The following NKAIN2 variants were observed in gnomAD, a reference collection of about 807,000 sequenced individuals.
The protein encoded by NKAIN2 is sodium/potassium transporting ATPase interacting 2.
A neutral mutation model predicts 32.6 loss-of-function variants in NKAIN2; 14 were observed. The observed-to-expected ratio is 0.43, with a 90% CI of 0.28 to 0.67. The LOEUF (loss-of-function observed/expected upper bound fraction) is 0.67, where lower values mean the gene tolerates loss of function less well. Ranked by LOEUF, NKAIN2 falls within the 30% of genes least tolerant of loss-of-function variation. The pLI is 0.17. For synonymous variants in NKAIN2, 80 were observed against 87.2 expected, an observed-to-expected ratio of 0.92 and a Z score of 0.46; for missense variants, 198 against 258.3, an observed-to-expected ratio of 0.77 and a Z score of 1.60.
At chr6:124,618,813 A>G (rs1387811084) in intron 3 of NKAIN2, among the ~76,000 whole-genome samples, 1 of 152,216 alleles carries the variant, frequency 6.6e-6, no homozygotes, top group African/African-American at 2.4e-5. Context: ...TGGCATGTCA[A>G]GAAGGTATCT....
At position 124,358,489 on chromosome 6, in the gene NKAIN2, C is replaced by G. The variant is rs575170787; in HGVS notation, c.273+3142C>G. On this transcript the variant is annotated intron_variant, in intron 3 of 6. Coordinates refer to ENST00000368417, the MANE Select transcript of NKAIN2 (RefSeq NM_001040214.3). ...CATTCTAACTGGTGTGAGATGGTAT[C>G]TCATTGTGGTTTTGATTTGCATTTC... 1.5e-3 allele frequency among the ~76,000 whole-genome samples: 233 copies of G among 152,250 alleles called. 2 individuals are homozygous for G. The highest frequency in any genetic ancestry group is 0.012 in the Admixed American group (182 of 15,278).
chr6:123,940,223 A>G (rs1422357151), intron 1 of NKAIN2, among the ~76,000 whole-genome samples: 7 of 151,962 alleles, frequency 4.6e-5, no homozygotes, highest in African/African-American at 1.4e-4. Flanking sequence ...TCATACAAAA[A>G]CACTTAAAGC....
chr6:123,832,445 G>A (rs1047708579), intron 1 of NKAIN2, among the ~76,000 whole-genome samples: 2 of 152,202 alleles, frequency 1.3e-5, no homozygotes, highest in African/African-American at 4.8e-5. Flanking sequence ...CCATGAGCAG[G>A]TTTTTATGTG....
chr6:124,047,760 C>T (rs1048493293), intron 1 of NKAIN2, among the ~76,000 whole-genome samples: 2 of 152,008 alleles, frequency 1.3e-5, no homozygotes, highest in African/African-American at 4.8e-5. Context: ...CTGGATTTAA[C>T]AGTGATGAAG....
intron 1 of NKAIN2, among the ~76,000 whole-genome samples, chr6:124,099,110 A>G (rs112971032): frequency 0.018 from 2,672 of 152,284 alleles, 78 homozygotes; most frequent in African/African-American, 0.061. Flanking sequence ...AGCTAGAGGC[A>G]TAAATATGCT....
At chr6:124,388,998 C>T (rs1420072853) in intron 3 of NKAIN2, among the ~76,000 whole-genome samples, 1 of 152,002 alleles carries the variant, frequency 6.6e-6, no homozygotes, top group Non-Finnish European at 1.5e-5. Context: ...AATGATAGTG[C>T]TGTTGGCTAT....
chr6:124,062,194 T>C (rs1175021695), intron 1 of NKAIN2, among the ~76,000 whole-genome samples: 2 of 152,208 alleles, frequency 1.3e-5, no homozygotes, highest in Non-Finnish European at 2.9e-5. Flanking sequence ...CTACATTGTT[T>C]TGTATATTTA....
Position 124,182,735 on chromosome 6 carries a change from G to T in NKAIN2, c.55-100270G>T, listed in dbSNP as rs145202803. Reference sequence around the variant, plus strand: ...TACACCTGATTGAGAAAATAATTAAGGTGTCAGATGGTAAGTGTATTTTAT... The same window carrying T: ...TACACCTGATTGAGAAAATAATTAATGTGTCAGATGGTAAGTGTATTTTAT... On this transcript the variant is annotated intron_variant, in intron 1 of 6. Transcript: ENST00000368417. Among the ~76,000 whole-genome samples, 171 of 152,164 alleles carry T rather than the reference G, an allele frequency of 1.1e-3. 6 individuals carry two copies. The East Asian group carries it at 0.027, about 24-fold the overall frequency.
At chr6:124,489,669 A>G (rs552766265) in intron 3 of NKAIN2, among the ~76,000 whole-genome samples, 28 of 151,944 alleles carry the variant, frequency 1.8e-4, no homozygotes, top group African/African-American at 6.7e-4. Flanking sequence ...TTGTATGGGT[A>G]CTCAAAGTAC....
intron 2 of NKAIN2, among the ~76,000 whole-genome samples, chr6:124,304,651 C>T (rs927594634): frequency 6.6e-6 from 1 of 151,732 alleles, no homozygotes; most frequent in Non-Finnish European, 1.5e-5. Context: ...CGTGGTGGCT[C>T]ATGCCTGTAA....
intron 4 of NKAIN2, among the ~76,000 whole-genome samples, chr6:124,748,679 G>A (rs149536762): frequency 2.5e-3 from 387 of 151,990 alleles, no homozygotes; most frequent in Non-Finnish European, 4.2e-3. Flanking sequence ...CTATCGTCTT[G>A]TTTTCTGCTA....
chr6:124,592,401 G>T (rs1405786876), intron 3 of NKAIN2, among the ~76,000 whole-genome samples: 1 of 152,134 alleles, frequency 6.6e-6, no homozygotes, highest in Non-Finnish European at 1.5e-5. Context: ...GGAAATGAAA[G>T]AATTGAGGAA....
chr6:124,801,791 C>T (rs895240429), intron 5 of NKAIN2, among the ~76,000 whole-genome samples: 6 of 152,166 alleles, frequency 3.9e-5, no homozygotes, highest in East Asian at 3.9e-4. Context: ...AATTCTTCCC[C>T]GAAGACATGA....
chr6:124,694,351 A>T (rs1774393975), intron 4 of NKAIN2, among the ~76,000 whole-genome samples: 1 of 152,186 alleles, frequency 6.6e-6, no homozygotes, highest in Admixed American at 6.5e-5. Flanking sequence ...TCCTCTGTTC[A>T]TTAAATCCAC....
chr6:124,410,063 G>A (rs1774085067), intron 3 of NKAIN2, among the ~76,000 whole-genome samples: 1 of 151,996 alleles, frequency 6.6e-6, no homozygotes, highest in Non-Finnish European at 1.5e-5. Context: ...TTTTTATTGT[G>A]TCTATCTGAT....
intron 1 of NKAIN2, among the ~76,000 whole-genome samples, chr6:124,008,733 G>A (rs1022106): frequency 2.6e-5 from 4 of 151,878 alleles, no homozygotes; most frequent in Non-Finnish European, 5.9e-5. Context: ...GTTTGTCATC[G>A]TGATAAGTGA....
intron 2 of NKAIN2, among the ~76,000 whole-genome samples, chr6:124,340,866 T>C (rs1446712036): frequency 6.6e-6 from 1 of 152,166 alleles, no homozygotes; most frequent in Non-Finnish European, 1.5e-5. Flanking sequence ...ATGAAATGTT[T>C]TGCACCAGTA....
At chr6:124,673,630 G>A (rs1773211647) in intron 4 of NKAIN2, among the ~76,000 whole-genome samples, 1 of 151,924 alleles carries the variant, frequency 6.6e-6, no homozygotes, top group African/African-American at 2.4e-5. Context: ...GTATTTCCCG[G>A]ATGATTAGTG....
At chr6:123,989,100 G>A (rs189071807) in intron 1 of NKAIN2, among the ~76,000 whole-genome samples, 9 of 152,216 alleles carry the variant, frequency 5.9e-5, no homozygotes, top group Admixed American at 3.3e-4. Context: ...AAACTGGAGC[G>A]TGAATATCCC....
Sources: gnomAD v4.1 joint callset for allele counts (sites outside exome capture counted in the v4.1 genomes callset) on GRCh38, gnomAD v4.1.1 for gene constraint, MANE v1.5 for transcripts, NCBI Gene and HGNC (gene_info 2026-07-23, HGNC 2026-07-21) for gene names.